NUMB: variants seen among roughly 807,000 people sequenced by gnomAD.
NUMB encodes protein numb homolog.
In NUMB, 29 loss-of-function variants were observed where a neutral mutation model predicts 59.7. That is an observed-to-expected ratio of 0.49 (90% CI 0.36 to 0.66). NUMB has a LOEUF of 0.66. Ranked by LOEUF, NUMB falls within the 30% of genes least tolerant of loss-of-function variation. The probability of loss-of-function intolerance (pLI) is 0.00; values close to 1 mark genes in which losing one functional copy is unlikely to be tolerated. For synonymous variants in NUMB, 288 were observed against 288.2 expected (o/e 1.00, Z 0.01); for missense variants, 723 against 822.0 (o/e 0.88, Z 1.47).
chr14:73,320,505 T>C (rs757427173), intron 5 of NUMB, among the ~76,000 whole-genome samples: 1 of 152,192 alleles, frequency 6.6e-6, no homozygotes, highest in Non-Finnish European at 1.5e-5. Flanking sequence ...GTAGCTGAGA[T>C]TATAGGCGCA....
intron 4 of NUMB, among the ~76,000 whole-genome samples, chr14:73,329,325 T>C (rs1297129862): frequency 1.3e-5 from 2 of 152,220 alleles, no homozygotes; most frequent in Non-Finnish European, 2.9e-5. Flanking sequence ...AGTGCCACAA[T>C]GGTAGGAAAC....
At chr14:73,453,321 G>A (rs1044596204) in intron 1 of NUMB, among the ~76,000 whole-genome samples, 9 of 151,800 alleles carry the variant, frequency 5.9e-5, no homozygotes, top group African/African-American at 1.9e-4. Context: ...TAGTAGAGAC[G>A]GGATTTCTCC....
At chr14:73,405,435 CTTTTTTT>C (rs56778084) in intron 2 of NUMB, among the ~76,000 whole-genome samples, 30,152 of 127,236 alleles carry the variant, frequency 0.24, 3,760 homozygotes, top group East Asian at 0.67. Flanking sequence ...TTTTCTTTCT[CTTTTTTT>C]TTTTTTTTTT....
chr14:73,313,046 G>C (rs1014634540), intron 6 of NUMB, among the ~76,000 whole-genome samples: 1 of 151,596 alleles, frequency 6.6e-6, no homozygotes, highest in Non-Finnish European at 1.5e-5. Context: ...GAGTGCAGTG[G>C]TGTGATCTAG....
intron 2 of NUMB, among the ~76,000 whole-genome samples, chr14:73,380,373 G>A: frequency 6.6e-6 from 1 of 152,156 alleles, no homozygotes; most frequent in East Asian, 1.9e-4. Flanking sequence ...GACAGAAGGA[G>A]GAGCAGGTTG....
chr14:73,302,246 T>C (rs1248887435), intron 6 of NUMB, among the ~76,000 whole-genome samples: 1 of 152,132 alleles, frequency 6.6e-6, no homozygotes, highest in Non-Finnish European at 1.5e-5. Flanking sequence ...CTTGTATTTG[T>C]TCATACTTCT....
At chr14:73,301,778 T>C (rs1890142178) in intron 6 of NUMB, among the ~76,000 whole-genome samples, 1 of 150,494 alleles carries the variant, frequency 6.6e-6, no homozygotes, top group Admixed American at 6.6e-5. Context: ...ATCCCAATTA[T>C]ATGGTTATAA....
At chr14:73,444,465 T>A (rs1344551401) in intron 1 of NUMB, among the ~76,000 whole-genome samples, 1 of 151,326 alleles carries the variant, frequency 6.6e-6, no homozygotes, top group Non-Finnish European at 1.5e-5. Context: ...ATTTTCAGCA[T>A]CCATTGATGG....
intron 4 of NUMB, among the ~76,000 whole-genome samples, chr14:73,353,248 C>T (rs1313201646): frequency 6.6e-6 from 1 of 150,510 alleles, no homozygotes; most frequent in African/African-American, 2.4e-5. Flanking sequence ...CCATGCCCAG[C>T]TAATTTTTTT....
rs1555375704 is a variant in NUMB at position 73,372,319 on chromosome 14, A to ATATATATATATATAACCTTT, written c.-100-5339_-100-5338insAAAGGTTATATATATATATA. Among the ~76,000 whole-genome samples the ATATATATATATATAACCTTT allele has an allele frequency of 2.1e-3, 222 of 107,748 alleles. 1 individual carries two copies. Among genetic ancestry groups the ATATATATATATATAACCTTT allele is most frequent in the South Asian group, 0.017 (52 of 3,072 alleles). The allele number at this position is 107,748 out of a possible 152,430, so 70.7% of individuals were successfully genotyped here. On this transcript the variant is annotated intron_variant, in intron 2 of 12. Coordinates refer to ENST00000555238, the MANE Select transcript of NUMB (RefSeq NM_001005743.2). ...ATATATTTCTTTTATATATATATAT[A>ATATATATATATATAACCTTT]TATATATATATATATATAACCTTTT...
intron 4 of NUMB, among the ~76,000 whole-genome samples, chr14:73,353,072 GT>G (rs71112737): frequency 0.049 from 2,838 of 58,464 alleles, 569 homozygotes; most frequent in African/African-American, 0.15. Context: ...AGTTTTTCTT[GT>G]TTTTTTTTTT....
intron 3 of NUMB, among the ~76,000 whole-genome samples, chr14:73,360,429 G>A (rs948033009): frequency 5.9e-5 from 9 of 152,106 alleles, no homozygotes; most frequent in African/African-American, 2.2e-4. Flanking sequence ...GTGGTGGCGG[G>A]CACCTTGTAG....
At chr14:73,422,932 T>G (rs965894921) in intron 1 of NUMB, among the ~76,000 whole-genome samples, 3 of 150,580 alleles carry the variant, frequency 2.0e-5, no homozygotes, top group African/African-American at 4.9e-5. Context: ...AAAACTGTTA[T>G]ATTCCCAGAT....
At chr14:73,402,019 T>C (rs1399998429) in intron 2 of NUMB, among the ~76,000 whole-genome samples, 3 of 152,092 alleles carry the variant, frequency 2.0e-5, no homozygotes, top group Non-Finnish European at 4.4e-5. Context: ...CGCACCACCA[T>C]GTCCAGCTAA....
chr14:73,330,768 A>AGGAT lies in NUMB; in HGVS notation c.127-7568_127-7565dup, dbSNP rs549509381. 7.9e-5 allele frequency among the ~76,000 whole-genome samples: 12 copies of AGGAT among 152,294 alleles called. No individual in the cohort carries two copies. In the South Asian group the frequency reaches 2.3e-3, roughly 29 times the overall value. On this transcript the variant is annotated intron_variant, in intron 4 of 12. Coordinates refer to ENST00000555238, the MANE Select transcript of NUMB (RefSeq NM_001005743.2). The stretch of plus-strand genomic sequence containing the variant: ...GGTTTTCCAGAGAGACAGAACCAAT[A>AGGAT]GGATGGATGGATGGATGGTCAGATG...
chr14:73,383,531 C>G (rs945664020), intron 2 of NUMB, among the ~76,000 whole-genome samples: 1 of 151,996 alleles, frequency 6.6e-6, no homozygotes, highest in Non-Finnish European at 1.5e-5. Context: ...CCAGAGGGAA[C>G]TGAAAGAATG....
chr14:73,413,011 AGAG>A (rs1896962619), intron 1 of NUMB, among the ~76,000 whole-genome samples: 1 of 152,142 alleles, frequency 6.6e-6, no homozygotes, highest in African/African-American at 2.4e-5. Context: ...GGTTTTTAAA[AGAG>A]TAGTAAAATA....
intron 4 of NUMB, among the ~76,000 whole-genome samples, chr14:73,343,343 C>T (rs925163647): frequency 1.3e-5 from 2 of 151,978 alleles, no homozygotes; most frequent in African/African-American, 4.8e-5. Flanking sequence ...AGATAAGGAC[C>T]TGATTAAAGT....
At chr14:73,353,112 C>G (rs1893552887) in intron 4 of NUMB, among the ~76,000 whole-genome samples, 1 of 33,334 alleles carries the variant, frequency 3.0e-5, no homozygotes, top group Non-Finnish European at 5.6e-5. Flanking sequence ...GAGACAGAGT[C>G]TCACTCTTGT....
Sources: allele counts gnomAD v4.1 joint callset (sites outside exome capture counted in the v4.1 genomes callset), GRCh38; gene constraint gnomAD v4.1.1; transcripts MANE v1.5; gene names NCBI Gene and HGNC (gene_info 2026-07-23, HGNC 2026-07-21).